The following DNAAF9 variants were observed in gnomAD, a reference collection of about 807,000 sequenced individuals.
The protein encoded by DNAAF9 is shulin.
A neutral mutation model predicts 167.0 loss-of-function variants in DNAAF9; 90 were observed. The ratio of observed to expected loss-of-function variants is 0.54; its 90% CI spans 0.45 to 0.64. The LOEUF (loss-of-function observed/expected upper bound fraction) is 0.64. DNAAF9 is among the 30% of genes least tolerant of loss of function. The pLI is 0.00. For missense variants in DNAAF9, 1,315 were observed against 1,442.2 expected (o/e 0.91, Z 1.43); for synonymous variants, 491 against 508.8 (o/e 0.96, Z 0.47).
At chr20:3,290,033 CCCA>C (rs1298547570) in intron 26 of DNAAF9, 93 bp downstream of exon 26, 14 of 760,074 alleles carry the variant, frequency 1.8e-5, no homozygotes, top group Non-Finnish European at 3.3e-5. Flanking sequence ...TGATACCAGT[CCCA>C]CCAAGGCCAG....
Position 3,374,143 on chromosome 20 carries a change from T to G in DNAAF9, c.517A>C (p.Ile173Leu). ...IPYSSQGHLQ[I>L]FDMFVVEKWP... ...TTCTCCACCACAAACATATCAAATA[T>G]CTGCAAGTGACCTAGAAGAATCAAA... The change falls in exon 6 of 37, where the codon ATA becomes CTA. Residue 173 changes from isoleucine to leucine, a missense_variant. Physicochemically the swap from Ile to Leu is conservative, Grantham distance 5. Around this residue, in one of 2 missense-constraint regions of DNAAF9, gnomAD observed 981 missense variants for 1,012.5 expected, o/e 0.97. Transcript: ENST00000252032. 1 of 1,608,556 alleles carries G rather than the reference T, an allele frequency of 6.2e-7. No individual in the cohort carries two copies.
At chr20:3,390,467 G>C (rs2083812021) in intron 1 of DNAAF9, among the ~76,000 whole-genome samples, 1 of 151,624 alleles carries the variant, frequency 6.6e-6, no homozygotes, top group Non-Finnish European at 1.5e-5. Context: ...CTGCGTTCAA[G>C]TGATTTTCCT....
chr20:3,374,931 G>T lies in DNAAF9; in HGVS notation c.505+99C>A, dbSNP rs942742422. Reference sequence around the variant, plus strand: ...GTCTTTGGTAAAAATAGACGAAGGGGTTTCTCAGCTGAATGCCCCCAATGA... The same window carrying T: ...GTCTTTGGTAAAAATAGACGAAGGGTTTTCTCAGCTGAATGCCCCCAATGA... On this transcript the variant is annotated intron_variant, in intron 5 of 36. Transcript: ENST00000252032. 54 of 678,706 alleles carry T rather than the reference G, an allele frequency of 8.0e-5. No individual in the cohort carries two copies. The Admixed American group carries it at 1.2e-3, about 16-fold the overall frequency. 42.0% of individuals were successfully genotyped at this position (678,706 alleles called of 1,614,324 possible).
chr20:3,383,288 T>TG (rs2083687756), intron 1 of DNAAF9, among the ~76,000 whole-genome samples: 1 of 149,710 alleles, frequency 6.7e-6, no homozygotes, highest in African/African-American at 2.5e-5. Flanking sequence ...TTTTTTTTTT[T>TG]TTTGAGATGG....
Position 3,294,151 on chromosome 20 carries a change from T to C in DNAAF9, c.2226A>G (p.Ile742Met). ...TGAGCTCCTCTACCTTGTCACTTTC[T>C]ATTCTGTGAGTAGTGTTGATTTCAG... ...QQAEINTTHR[I>M]ESDKVIISIV... Residue 742 changes from isoleucine (I) to methionine (M), a missense_variant, in exon 25 of 37, where the codon ATA becomes ATG. This residue lies in a region of DNAAF9 where 981 missense variants were observed against 1,012.5 expected (regional missense o/e 0.97). Transcript: ENST00000252032. 6.3e-7 allele frequency: 1 copy of C among 1,584,650 alleles called. No homozygotes were observed. The highest frequency in any genetic ancestry group is 8.7e-7 in the Non-Finnish European group (1 of 1,153,042).
At chr20:3,397,645 T>C (rs930012923) in intron 1 of DNAAF9, among the ~76,000 whole-genome samples, 7 of 152,158 alleles carry the variant, frequency 4.6e-5, no homozygotes, top group Non-Finnish European at 1.0e-4. Context: ...GCTTATCTTA[T>C]TAAATTAGCT....
At chr20:3,357,834 C>T (rs2083309029) in intron 7 of DNAAF9, among the ~76,000 whole-genome samples, 1 of 151,608 alleles carries the variant, frequency 6.6e-6, no homozygotes, top group Non-Finnish European at 1.5e-5. Context: ...CACAGCAAGA[C>T]CTGATCTCTA....
intron 27 of DNAAF9, among the ~76,000 whole-genome samples, chr20:3,283,976 CCT>C (rs1353290780): frequency 2.6e-5 from 4 of 152,052 alleles, no homozygotes; most frequent in East Asian, 1.9e-4. Flanking sequence ...AAAACAGGCC[CCT>C]GTCTCCTTGA....
intron 13 of DNAAF9, 120 bp downstream of exon 13, chr20:3,326,077 A>G (rs2069705546): frequency 4.3e-6 from 3 of 698,346 alleles, no homozygotes; most frequent in Middle Eastern, 3.7e-4. Context: ...GCCTGGTGTC[A>G]AAGAGGCCCA....
chr20:3,288,222 G>C (rs1301757072), intron 26 of DNAAF9, among the ~76,000 whole-genome samples: 2 of 152,214 alleles, frequency 1.3e-5, no homozygotes, highest in African/African-American at 4.8e-5. Context: ...GGCCGAGGCG[G>C]GCGGATCACC....
chr20:3,331,724 A>C (rs2069833071), intron 11 of DNAAF9, among the ~76,000 whole-genome samples: 1 of 152,172 alleles, frequency 6.6e-6, no homozygotes, highest in Non-Finnish European at 1.5e-5. Flanking sequence ...CCCAGGCTAG[A>C]GTGCAGTGGC....
intron 27 of DNAAF9, among the ~76,000 whole-genome samples, chr20:3,285,016 G>A (rs2068826866): frequency 6.6e-6 from 1 of 151,964 alleles, no homozygotes; most frequent in Non-Finnish European, 1.5e-5. Flanking sequence ...CCTCCCTCCT[G>A]CCCTCCACTC....
rs377509867 is a variant in DNAAF9, at chr20:3,292,275, C to T, written c.2238+1864G>A. ...TCGACCTCCCAAAGTGCTGGGATTA[C>T]AGGCATGAGCCATGCCGCCTGGGCG... On this transcript the variant is annotated intron_variant, in intron 25 of 36. Coordinates refer to ENST00000252032, the MANE Select transcript of DNAAF9 (RefSeq NM_001009984.3). 2.8e-3 allele frequency among the ~76,000 whole-genome samples: 420 copies of T among 152,160 alleles called. 1 individual carries two copies. The highest frequency in any genetic ancestry group is 9.5e-3 in the African/African-American group (395 of 41,534).
intron 9 of DNAAF9, among the ~76,000 whole-genome samples, chr20:3,341,941 C>T (rs2070095237): frequency 6.6e-6 from 1 of 152,150 alleles, no homozygotes; most frequent in Admixed American, 6.5e-5. Flanking sequence ...CCACGCCTGG[C>T]TAATTTTTTG....
chr20:3,352,784 A>G lies in DNAAF9; in HGVS notation c.691-4161T>C, dbSNP rs183143923. ...GTCGGCCCAAGGCTGGCTGTGAGAA[A>G]GATGGTAATTGCAATGGATATCAAC... is the stretch of plus-strand genomic sequence containing the variant. On this transcript the variant is annotated intron_variant, in intron 7 of 36. Transcript: ENST00000252032. 2.5e-3 allele frequency among the ~76,000 whole-genome samples: 379 copies of G among 152,068 alleles called. 1 individual carries two copies. The highest frequency in any genetic ancestry group is 8.3e-3 in the African/African-American group (343 of 41,514).
At chr20:3,403,626 G>A (rs189728565) in intron 1 of DNAAF9, among the ~76,000 whole-genome samples, 3 of 150,404 alleles carry the variant, frequency 2.0e-5, no homozygotes, top group African/African-American at 7.3e-5. Flanking sequence ...CCTCCCTACT[G>A]CATCAGCCCA....
chr20:3,393,557 G>A (rs940341238), intron 1 of DNAAF9, among the ~76,000 whole-genome samples: 1 of 152,252 alleles, frequency 6.6e-6, no homozygotes. Context: ...TAAAACTGTT[G>A]TACTGTATTA....
At position 3,250,236 on chromosome 20, in the gene DNAAF9, G is replaced by A. The variant is rs1385817046; in HGVS notation, c.*2336C>T. ...GAAGACCCTGCTCCTCCCACCTGGA[G>A]CGCCGCCTGGAGGAATCAAGTGGAT... On this transcript the variant is annotated 3_prime_UTR_variant, in exon 37 of 37. Coordinates refer to ENST00000252032, the MANE Select transcript of DNAAF9 (RefSeq NM_001009984.3). 2 of 152,284 alleles carry A rather than the reference G, an allele frequency of 1.3e-5. No individual in the cohort carries two copies. Among genetic ancestry groups the A allele is most frequent in the African/African-American group, 4.8e-5 (2 of 41,434 alleles). The allele number at this position is 152,284 out of a possible 1,614,324, so 9.4% of individuals were successfully genotyped here. A position where few individuals can be genotyped will look rare whatever the true frequency, so the allele number is the denominator to read the frequency against.
At chr20:3,394,278 C>A (rs888916686) in intron 1 of DNAAF9, among the ~76,000 whole-genome samples, 1 of 149,324 alleles carries the variant, frequency 6.7e-6, no homozygotes, top group Non-Finnish European at 1.5e-5. Flanking sequence ...GCGGAGGTTG[C>A]GGTGAGCTGA....
Sources: gnomAD v4.1 joint callset for allele counts (sites outside exome capture counted in the v4.1 genomes callset) on GRCh38, gnomAD v4.1.1 for gene constraint, gnomAD v4.1.1 regional missense constraint, MANE v1.5 for transcripts, NCBI Gene and HGNC (gene_info 2026-07-23, HGNC 2026-07-21) for gene names.